CELSR1: variants seen among roughly 807,000 people sequenced by gnomAD.
CELSR1 encodes the protein adhesion G protein-coupled receptor C1.
CELSR1 carries 110 observed loss-of-function variants against 249.1 expected under a neutral mutation model. The ratio of observed to expected loss-of-function variants is 0.44; its 90% CI spans 0.38 to 0.52. The LOEUF (loss-of-function observed/expected upper bound fraction) is 0.52. Among genes scored for constraint, CELSR1 ranks in the 20% least tolerant of loss-of-function variants. CELSR1 has a pLI of 0.00. For synonymous variants in CELSR1, 2,113 were observed against 1,900.0 expected, an observed-to-expected ratio of 1.11 and a Z score of -2.92; for missense variants, 4,109 against 4,296.4, an observed-to-expected ratio of 0.96 and a Z score of 1.22.
intron 29 of CELSR1, 41 bp downstream of exon 29, chr22:46,366,952 C>T (rs754616248): frequency 7.6e-6 from 12 of 1,584,914 alleles, no homozygotes; most frequent in East Asian, 2.3e-5. Flanking sequence ...CTCGAGATGC[C>T]GCCCAGCCCC....
rs2079849757 is a variant in CELSR1 at position 46,448,852 on chromosome 22, A to G, written c.4184-9441T>C. ...GCAGAAAGCACAGTCTTGAAGACAC[A>G]ACCCAACAGCGTGGCTCATGTGTCA... On this transcript the variant is annotated intron_variant, in intron 2 of 34. Transcript: ENST00000674500. The surrounding 1 kb of genome is among the most constrained non-coding windows in gnomAD (Gnocchi z 5.7). Among the ~76,000 whole-genome samples, 1 of 152,186 alleles carries G rather than the reference A, an allele frequency of 6.6e-6. No homozygotes were observed. The highest frequency in any genetic ancestry group is 1.5e-5 in the Non-Finnish European group (1 of 68,036).
In CELSR1 at chr22:46,490,200, G is replaced by A. The variant is rs1045176709; in HGVS notation, c.3545-25855C>T. On this transcript the variant is annotated intron_variant, in intron 1 of 34. Coordinates refer to ENST00000674500, the MANE Select transcript of CELSR1 (RefSeq NM_001378328.1). The surrounding 1 kb of genome is among the most constrained non-coding windows in gnomAD (Gnocchi z 5.2). ...GCCATAAGACACACTCAGACACACA[G>A]GGTCCTGCCCTCTAATTTCCATCTC... Among the ~76,000 whole-genome samples the A allele has an allele frequency of 2.6e-5, 4 of 152,202 alleles. No homozygotes were observed. Among genetic ancestry groups the A allele is most frequent in the Admixed American group, 2.0e-4 (3 of 15,284 alleles).
At chr22:46,384,753 A>C (rs1488859309) in intron 19 of CELSR1, 67 bp from the exon 20 acceptor site, 2 of 1,504,636 alleles carry the variant, frequency 1.3e-6, no homozygotes, top group East Asian at 2.3e-5. Flanking sequence ...CTGTTTTCAA[A>C]ATGACCACAA....
chr22:46,536,180 G>A lies in CELSR1; in HGVS notation c.991C>T (p.Pro331Ser). The change falls in exon 1 of 35, where the codon CCG (proline) becomes TCG (serine). Residue 331 changes from proline (P) to serine (S), a missense_variant. By Grantham distance (74) the Pro-to-Ser change is moderately conservative. Around this residue, in one of 7 missense-constraint regions of CELSR1, gnomAD observed 673 missense variants for 636.8 expected, o/e 1.06. Transcript: ENST00000674500. ...LRVKAVDYST[P>S]PRSATTYITV... ...ATGTAGGTGGTGGCCGAGCGCGGCG[G>A]CGTACTGTAGTCCACGGCTTTCACC... 1 of 1,612,786 alleles carries A rather than the reference G, an allele frequency of 6.2e-7. No individual in the cohort carries two copies. Among genetic ancestry groups the A allele is most frequent in the Non-Finnish European group, 8.5e-7 (1 of 1,180,002 alleles).
At position 46,402,897 on chromosome 22, in the gene CELSR1, C is replaced by T. The variant is rs8136574; in HGVS notation, c.5227-2995G>A. On this transcript the variant is annotated intron_variant, in intron 9 of 34. Transcript: ENST00000674500. This position sits in a 1 kb window ranked among gnomAD's most constrained non-coding sequence, Gnocchi z 5.0. ...TAGAAAAACAACTATTAGCACACTG[C>T]TTATATTATACCTGAAATATAAGGA... 0.058 allele frequency among the ~76,000 whole-genome samples: 8,794 copies of T among 152,064 alleles called. 297 individuals are homozygous for T. The highest frequency in any genetic ancestry group is 0.073 in the African/African-American group (3,015 of 41,454).
rs1430319744 is a variant in CELSR1, at chr22:46,434,766, G to A, written c.4523-1285C>T. Among the ~76,000 whole-genome samples, 3 of 152,160 alleles carry A rather than the reference G, an allele frequency of 2.0e-5. No homozygotes were observed. Among genetic ancestry groups the A allele is most frequent in the African/African-American group, 7.2e-5 (3 of 41,434 alleles). ...AATCCCAGCACTTTGGGAGGCCAAG[G>A]TGGGCGGATCACTTGAGGTCAGGAG... On this transcript the variant is annotated intron_variant, in intron 4 of 34. Transcript: ENST00000674500. This position sits in a 1 kb window ranked among gnomAD's most constrained non-coding sequence, Gnocchi z 4.9.
chr22:46,379,499 C>T lies in CELSR1; in HGVS notation c.7257-782G>A, dbSNP rs369892922. ...TTAGAGCTGGAGCTAATTGCCAGGA[C>T]GCAGATGAATGCCCAAGACAGACAG... On this transcript the variant is annotated intron_variant, in intron 22 of 34. Coordinates refer to ENST00000674500, the MANE Select transcript of CELSR1 (RefSeq NM_001378328.1). Among the ~76,000 whole-genome samples the T allele has an allele frequency of 9.2e-5, 14 of 152,346 alleles. No homozygotes were observed. In the East Asian group the frequency reaches 9.6e-4, roughly 10 times the overall value.
rs1254886862 is a variant in CELSR1 at position 46,363,203 on chromosome 22, G to T, written c.*20C>A. On this transcript the variant is annotated 3_prime_UTR_variant, in exon 35 of 35. Coordinates refer to ENST00000674500, the MANE Select transcript of CELSR1 (RefSeq NM_001378328.1). The surrounding 1 kb of genome is among the most constrained non-coding windows in gnomAD (Gnocchi z 4.3). ...TCACGGTTTCCTGATGGTTCAAATT[G>T]AAGTTTCATTACTGATGGTTCAAAT... 2 of 1,578,978 alleles carry T rather than the reference G, an allele frequency of 1.3e-6. No homozygotes were observed. Among genetic ancestry groups the T allele is most frequent in the Non-Finnish European group, 1.7e-6 (2 of 1,177,512 alleles).
intron 5 of CELSR1, among the ~76,000 whole-genome samples, chr22:46,415,739 A>T (rs1255244295): frequency 6.6e-6 from 1 of 152,200 alleles, no homozygotes; most frequent in Non-Finnish European, 1.5e-5. Flanking sequence ...ATGGAGAGAA[A>T]ATGCATTATT....
intron 1 of CELSR1, among the ~76,000 whole-genome samples, chr22:46,510,663 C>G (rs778655413): frequency 2.6e-5 from 4 of 152,196 alleles, no homozygotes; most frequent in Non-Finnish European, 4.4e-5. Context: ...GGCCCCTGGG[C>G]TTGGGTTTGG....
chr22:46,534,404 G>A lies in CELSR1; in HGVS notation c.2767C>T (p.Pro923Ser), dbSNP rs1405369760. The A allele has an allele frequency of 1.2e-6, 2 of 1,612,804 alleles. No homozygotes were observed. The highest frequency in any genetic ancestry group is 1.7e-6 in the Non-Finnish European group (2 of 1,180,034). ...AAGGTGTACAGCAGACGCCCATTGG[G>A]ACCTGAGTCCCGGTCCGTGGCAGAG... ...QVSATDRDSG[P>S]NGRLLYTFQG... The change falls in exon 1 of 35, where the codon CCC (proline) becomes TCC (serine). Residue 923 changes from proline (P) to serine (S), a missense_variant. By Grantham distance (74) the Pro-to-Ser change is moderately conservative. Around this residue, in one of 7 missense-constraint regions of CELSR1, gnomAD observed 886 missense variants for 896.5 expected, o/e 0.99. Transcript: ENST00000674500. The surrounding 1 kb of genome is among the most constrained non-coding windows in gnomAD (Gnocchi z 9.7).
intron 3 of CELSR1, among the ~76,000 whole-genome samples, chr22:46,438,322 A>G (rs2079691052): frequency 6.6e-6 from 1 of 152,162 alleles, no homozygotes. Flanking sequence ...AGAAGGGGCT[A>G]TGAAAGCACC....
rs1170830293 is a variant in CELSR1, at chr22:46,397,712, T to C, written c.5663A>G (p.His1888Arg). The C allele has an allele frequency of 1.3e-6, 2 of 1,577,968 alleles. No homozygotes were observed. The highest frequency in any genetic ancestry group is 4.7e-5 in the East Asian group (2 of 42,706). Residue 1888 changes from histidine to arginine, a missense_variant, in exon 12 of 35, where the codon CAC (histidine) becomes CGC (arginine). His to Arg is a conservative substitution (Grantham distance 29, BLOSUM62 0). Transcript: ENST00000674500. ...GCAGCTGTAGTCCTCCCAGGCGTCG[T>C]GGCAGCGGCTATTGGGGGGACAGGG... Reference protein sequence around the residue: ...SSPCPPNSRCHDAWEDYSCVC... With the variant: ...SSPCPPNSRCRDAWEDYSCVC...
chr22:46,444,850 G>C (rs1416232752), intron 2 of CELSR1, among the ~76,000 whole-genome samples: 2 of 152,160 alleles, frequency 1.3e-5, no homozygotes, highest in East Asian at 3.8e-4. Context: ...GCTTGTGGCT[G>C]CATCTCTCCA....
In CELSR1 at chr22:46,417,643, G is replaced by A. The variant is rs540658529; in HGVS notation, c.4612-5884C>T. On this transcript the variant is annotated intron_variant, in intron 5 of 34. Coordinates refer to ENST00000674500, the MANE Select transcript of CELSR1 (RefSeq NM_001378328.1). This position sits in a 1 kb window ranked among gnomAD's most constrained non-coding sequence, Gnocchi z 4.1. Reference sequence around the variant, plus strand: ...ACTCAAGTTCCTCTGCCCAACTCTGGCTGAGGGGGACAGGTGCTCCTGAAT... The same window carrying A: ...ACTCAAGTTCCTCTGCCCAACTCTGACTGAGGGGGACAGGTGCTCCTGAAT... 2.6e-5 allele frequency among the ~76,000 whole-genome samples: 4 copies of A among 152,300 alleles called. No individual in the cohort carries two copies. The South Asian group carries it at 8.3e-4, about 32-fold the overall frequency.
chr22:46,533,798 C>T lies in CELSR1; in HGVS notation c.3373G>A (p.Gly1125Ser), dbSNP rs2080817834. The change falls in exon 1 of 35, where the codon GGC becomes AGC. Residue 1125 changes from glycine to serine, a missense_variant. Physicochemically the swap from Gly to Ser is moderately conservative, Grantham distance 56. This residue lies in a region of CELSR1 where 886 missense variants were observed against 896.5 expected (regional missense o/e 0.99). Coordinates refer to ENST00000674500, the MANE Select transcript of CELSR1 (RefSeq NM_001378328.1). ...KSNSFPTGVI[G>S]CIPAHDPDVS... ...TCGGGGTCATGGGCCGGGATGCAGCCGATCACGCCGGTGGGGAAACTGTTG... is the reference window on the plus strand; with the variant it reads ...TCGGGGTCATGGGCCGGGATGCAGCTGATCACGCCGGTGGGGAAACTGTTG... 2 of 1,613,690 alleles carry T rather than the reference C, an allele frequency of 1.2e-6. No homozygotes were observed. The highest frequency in any genetic ancestry group is 1.7e-6 in the Non-Finnish European group (2 of 1,180,008).
chr22:46,428,995 G>A lies in CELSR1; in HGVS notation c.4611+4398C>T, dbSNP rs893293020. Among the ~76,000 whole-genome samples the A allele has an allele frequency of 3.9e-5, 6 of 152,152 alleles. No homozygotes were observed. The highest frequency in any genetic ancestry group is 1.4e-4 in the African/African-American group (6 of 41,428). ...CCAGGGCCCCGTTAAACATCTTGCT[G>A]GCACGTCTGTGTCCCCGACCCTGCC... On this transcript the variant is annotated intron_variant, in intron 5 of 34. Coordinates refer to ENST00000674500, the MANE Select transcript of CELSR1 (RefSeq NM_001378328.1). This position sits in a 1 kb window ranked among gnomAD's most constrained non-coding sequence, Gnocchi z 5.7.
intron 12 of CELSR1, among the ~76,000 whole-genome samples, chr22:46,397,259 A>ATGCC: frequency 7.3e-6 from 1 of 136,670 alleles, no homozygotes; most frequent in South Asian, 2.4e-4. Flanking sequence ...GCGTGCCACC[A>ATGCC]TGCCTGGCTA....
chr22:46,480,883 G>A (rs2080259284), intron 1 of CELSR1, among the ~76,000 whole-genome samples: 1 of 152,216 alleles, frequency 6.6e-6, no homozygotes, highest in Non-Finnish European at 1.5e-5. Flanking sequence ...AGAGGCAAGT[G>A]ACATATGCTT....
Sources: allele counts gnomAD v4.1 joint callset (sites outside exome capture counted in the v4.1 genomes callset), GRCh38; gene constraint gnomAD v4.1.1; regional missense constraint gnomAD v4.1.1; non-coding constraint Gnocchi (gnomAD v3.1); transcripts MANE v1.5; gene names NCBI Gene and HGNC (gene_info 2026-07-23, HGNC 2026-07-21).